KCNN2: variants seen among roughly 807,000 people sequenced by gnomAD.
The protein encoded by KCNN2 is potassium calcium-activated channel subfamily N member 2, also known as small conductance calcium-activated potassium channel protein 2.
KCNN2 carries 24 observed loss-of-function variants against 55.5 expected under a neutral mutation model. The ratio of observed to expected loss-of-function variants is 0.43; its 90% CI spans 0.31 to 0.61. KCNN2 has a LOEUF of 0.61. KCNN2 is among the 20% of genes least tolerant of loss of function. The probability of loss-of-function intolerance (pLI) is 0.08; values close to 1 mark genes in which losing one functional copy is unlikely to be tolerated. For missense variants in KCNN2, 754 were observed against 853.6 expected (o/e 0.88, Z 1.45); for synonymous variants, 431 against 336.1 (o/e 1.28, Z -3.09).
rs1290713924 is a variant in KCNN2, at chr5:114,241,756, A to G, written c.-185+20191A>G. 8.1e-3 allele frequency among the ~76,000 whole-genome samples: 185 copies of G among 22,952 alleles called. 35 individuals carry two copies. The highest frequency in any genetic ancestry group is 9.1e-3 in the South Asian group (5 of 550). 15.1% of individuals were successfully genotyped at this position (22,952 alleles called of 152,430 possible). On this transcript the variant is annotated intron_variant, in intron 2 of 10. Coordinates refer to the KCNN2 transcript ENST00000512097. Reference sequence around the variant, plus strand: ...TACATATATACGTATATATATGTATATATATACGTATATATATACATATAT... The same window carrying G: ...TACATATATACGTATATATATGTATGTATATACGTATATATATACATATAT...
chr5:114,274,983 C>A (rs3112758), intron 2 of KCNN2, among the ~76,000 whole-genome samples: 136,517 of 152,132 alleles, frequency 0.9, 61,659 homozygotes, highest in East Asian at 0.94. Flanking sequence ...TCATAAATAG[C>A]TCTTATTATT....
intron 2 of KCNN2, among the ~76,000 whole-genome samples, chr5:114,237,826 C>A (rs766675902): frequency 6.6e-6 from 1 of 152,144 alleles, no homozygotes; most frequent in Non-Finnish European, 1.5e-5. Flanking sequence ...TAGCCTTCTA[C>A]GGGTTGGGAG....
At chr5:114,129,242 C>T (rs1341085782) in intron 1 of KCNN2, among the ~76,000 whole-genome samples, 1 of 152,140 alleles carries the variant, frequency 6.6e-6, no homozygotes, top group East Asian at 1.9e-4. Flanking sequence ...ATTAGCCAAA[C>T]CCAGCTGGTA....
At chr5:114,185,081 G>T (rs1753305191) in intron 1 of KCNN2, among the ~76,000 whole-genome samples, 1 of 152,168 alleles carries the variant, frequency 6.6e-6, no homozygotes, top group Non-Finnish European at 1.5e-5. Flanking sequence ...TTGATGAATA[G>T]TGGAGCTTTT....
chr5:114,227,430 C>G (rs890622060), intron 2 of KCNN2, among the ~76,000 whole-genome samples: 3 of 152,290 alleles, frequency 2.0e-5, no homozygotes, highest in East Asian at 3.9e-4. Context: ...CCCTAAAGTA[C>G]CCCGTACTGT....
intron 3 of KCNN2, among the ~76,000 whole-genome samples, chr5:114,419,819 C>T (rs1260899884): frequency 6.6e-6 from 1 of 152,044 alleles, no homozygotes. Flanking sequence ...GTGAGACTCC[C>T]GTCTCTGCAA....
chr5:114,159,797 G>T (rs917916368), intron 1 of KCNN2, among the ~76,000 whole-genome samples: 13 of 152,204 alleles, frequency 8.5e-5, no homozygotes, highest in African/African-American at 2.9e-4. Context: ...GCGTAGAGGT[G>T]TTTATAGTAT....
In KCNN2 at chr5:114,245,244, G is replaced by T. The variant is rs559808773; in HGVS notation, c.-185+23679G>T. Among the ~76,000 whole-genome samples, 3 of 152,342 alleles carry T rather than the reference G, an allele frequency of 2.0e-5. No individual in the cohort carries two copies. The East Asian group carries it at 5.8e-4, about 29-fold the overall frequency. On this transcript the variant is annotated intron_variant, in intron 2 of 10. Transcript: ENST00000512097. ...CTCTAGTGCTGCTGTCACTGCAGTTGTATTCGTATGTGGGTGAGAGAGGTA... is the reference window on the plus strand; with the variant it reads ...CTCTAGTGCTGCTGTCACTGCAGTTTTATTCGTATGTGGGTGAGAGAGGTA...
Position 114,299,205 on chromosome 5 carries a change from C to G in KCNN2, c.-184-61740C>G, listed in dbSNP as rs761766731. 2.3e-4 allele frequency among the ~76,000 whole-genome samples: 35 copies of G among 151,884 alleles called. No individual in the cohort carries two copies. The Middle Eastern group carries it at 0.01, about 45-fold the overall frequency. On this transcript the variant is annotated intron_variant, in intron 2 of 10. Coordinates refer to the KCNN2 transcript ENST00000512097. ...TGGTTTTATCCTAAGGCTGCCTCCT[C>G]TATGTTTGTCAGCAGCACCAAGGCT... is the stretch of plus-strand genomic sequence containing the variant.
chr5:114,183,865 G>T (rs1753282156), intron 1 of KCNN2, among the ~76,000 whole-genome samples: 1 of 150,708 alleles, frequency 6.6e-6, no homozygotes, highest in Non-Finnish European at 1.5e-5. Flanking sequence ...TCTGATTGTT[G>T]CTGTTTTCTG....
intron 2 of KCNN2, among the ~76,000 whole-genome samples, chr5:114,396,067 C>A (rs985150066): frequency 6.6e-6 from 1 of 152,186 alleles, no homozygotes; most frequent in Non-Finnish European, 1.5e-5. Flanking sequence ...CCTTGCCTCC[C>A]TCCAGCCCTT....
upstream of KCNN2, among the ~76,000 whole-genome samples, chr5:114,359,398 C>T (rs191192610): frequency 1.3e-5 from 2 of 152,294 alleles, no homozygotes; most frequent in East Asian, 3.9e-4. Flanking sequence ...ATGATTTCTA[C>T]ATGATTAATA....
chr5:114,385,698 G>A (rs147614492), intron 2 of KCNN2, among the ~76,000 whole-genome samples: 7 of 152,190 alleles, frequency 4.6e-5, no homozygotes, highest in African/African-American at 1.4e-4. Context: ...CTTCTGGCAA[G>A]CTTTTCATGA....
At chr5:114,229,723 T>G (rs1754317569) in intron 2 of KCNN2, among the ~76,000 whole-genome samples, 1 of 144,180 alleles carries the variant, frequency 6.9e-6, no homozygotes, top group South Asian at 2.3e-4. Flanking sequence ...TTGTTCAGGT[T>G]TAATTATTGG....
chr5:114,363,824 G>C (rs2150046558), intron 1 of KCNN2, 82 bp from the exon 2 acceptor site: 1 of 941,176 alleles, frequency 1.1e-6, no homozygotes, highest in Non-Finnish European at 1.7e-6. Context: ...TCCACCTGTG[G>C]GGGACTGACT....
intron 2 of KCNN2, among the ~76,000 whole-genome samples, chr5:114,381,796 A>G (rs1200438305): frequency 6.6e-6 from 1 of 152,152 alleles, no homozygotes; most frequent in African/African-American, 2.4e-5. Context: ...TACCTTCTCA[A>G]GGACAGTTAC....
intron 2 of KCNN2, among the ~76,000 whole-genome samples, chr5:114,346,108 A>T (rs1757100088): frequency 6.6e-6 from 1 of 152,208 alleles, no homozygotes; most frequent in African/African-American, 2.4e-5. Context: ...TCATTGCAGA[A>T]GGCAAAGACA....
chr5:114,071,958 G>T (rs1750578007), intron 1 of KCNN2, among the ~76,000 whole-genome samples: 1 of 152,136 alleles, frequency 6.6e-6, no homozygotes, highest in Non-Finnish European at 1.5e-5. Context: ...TGTTATTGTT[G>T]TGGGAGTGGA....
intron 1 of KCNN2, among the ~76,000 whole-genome samples, chr5:114,115,155 CTAG>C (rs1379207129): frequency 6.6e-6 from 1 of 152,028 alleles, no homozygotes; most frequent in Non-Finnish European, 1.5e-5. Flanking sequence ...TTCACTAAGC[CTAG>C]TGATTATTCC....
Sources: allele counts gnomAD v4.1 joint callset (sites outside exome capture counted in the v4.1 genomes callset), GRCh38; gene constraint gnomAD v4.1.1; transcripts MANE v1.5; gene names NCBI Gene and HGNC (gene_info 2026-07-23, HGNC 2026-07-21).